NDEL1: variants seen among roughly 807,000 people sequenced by gnomAD.
NDEL1 encodes the protein nuclear distribution protein nudE-like 1.
In NDEL1, 9 loss-of-function variants were observed where a neutral mutation model predicts 45.7. That is an observed-to-expected ratio of 0.20 (90% CI 0.12 to 0.34). NDEL1 has a LOEUF of 0.34. Ranked by LOEUF, NDEL1 falls within the 10% of genes least tolerant of loss-of-function variation. The pLI, the probability that NDEL1 is intolerant of heterozygous loss-of-function variation, is 1.00. For synonymous variants in NDEL1, 133 were observed against 158.6 expected (o/e 0.84, Z 1.21); for missense variants, 306 against 406.2 (o/e 0.75, Z 2.12).
chr17:8,447,038 G>GTT, intron 4 of NDEL1, 136 bp downstream of exon 4: 1 of 1,085,422 alleles, frequency 9.2e-7, no homozygotes, highest in Non-Finnish European at 1.3e-6. Context: ...TAACTCATCG[G>GTT]ACGGAAGGGA....
rs557453829 is a variant in NDEL1 at position 8,473,873 on chromosome 17, C to G, written c.417+13713C>G. On this transcript the variant is annotated intron_variant, in intron 3 of 3. Coordinates refer to the NDEL1 transcript ENST00000581679. The stretch of plus-strand genomic sequence containing the variant: ...AATGCGTGTCTGCCTGAAAATGCAG[C>G]CTGAAATGTCCTGGACCCCTGAAAA... Among the ~76,000 whole-genome samples the G allele has an allele frequency of 3.3e-5, 5 of 152,334 alleles. No homozygotes were observed. In the East Asian group the frequency reaches 9.6e-4, roughly 29 times the overall value.
chr17:8,444,149 C>T, intron 1 of NDEL1, 111 bp from the exon 2 acceptor site: 1 of 669,150 alleles, frequency 1.5e-6, no homozygotes. Flanking sequence ...TGGAATCTCT[C>T]ATGTTTTATT....
chr17:8,450,698 T>A, intron 5 of NDEL1, 82 bp from the exon 6 acceptor site: 1 of 1,200,662 alleles, frequency 8.3e-7, no homozygotes. Flanking sequence ...AGAAGACCTT[T>A]ATGACATTTT....
intron 8 of NDEL1, among the ~76,000 whole-genome samples, chr17:8,460,404 G>C (rs1911123869): frequency 6.6e-6 from 1 of 152,146 alleles, no homozygotes; most frequent in Admixed American, 6.5e-5. Context: ...AGGCAGCAGT[G>C]TGAGGCTCTG....
At chr17:8,430,666 T>C (rs1200294521) in intron 1 of NDEL1, among the ~76,000 whole-genome samples, 1 of 152,200 alleles carries the variant, frequency 6.6e-6, no homozygotes, top group African/African-American at 2.4e-5. Flanking sequence ...AAAGACCTTG[T>C]ACTGGGACCC....
At chr17:8,426,459 G>T (rs1908834769) in intron 1 of NDEL1, among the ~76,000 whole-genome samples, 1 of 152,154 alleles carries the variant, frequency 6.6e-6, no homozygotes, top group South Asian at 2.1e-4. Context: ...TTTTCCCAGG[G>T]ACAGTCACAC....
chr17:8,443,571 G>C (rs1035791357), intron 1 of NDEL1, among the ~76,000 whole-genome samples: 8 of 152,070 alleles, frequency 5.3e-5, no homozygotes, highest in African/African-American at 1.9e-4. Context: ...TGGGCCTGAC[G>C]ATCAGTTGGG....
At chr17:8,470,691 A>G (rs1398516965), downstream of NDEL1, among the ~76,000 whole-genome samples, 1 of 152,204 alleles carries the variant, frequency 6.6e-6, no homozygotes, top group Non-Finnish European at 1.5e-5. The surrounding 1 kb of genome is among the most constrained non-coding windows in gnomAD (Gnocchi z 4.2). Context: ...GCACGAGCCC[A>G]GTCTTTTTCT....
chr17:8,445,660 A>T (rs1910034632), intron 2 of NDEL1, 51 bp from the exon 3 acceptor site: 1 of 1,563,214 alleles, frequency 6.4e-7, no homozygotes, highest in African/African-American at 1.4e-5. Context: ...CTCCAAGACA[A>T]TCCTTGTGGT....
At chr17:8,421,998 CA>C (rs1908717921) in intron 1 of NDEL1, among the ~76,000 whole-genome samples, 1 of 152,162 alleles carries the variant, frequency 6.6e-6, no homozygotes, top group African/African-American at 2.4e-5. Context: ...GAAGGGAAGT[CA>C]CTTTAACAAA....
intron 1 of NDEL1, among the ~76,000 whole-genome samples, chr17:8,439,093 C>G (rs978649095): frequency 1.2e-4 from 18 of 151,866 alleles, no homozygotes; most frequent in Non-Finnish European, 4.4e-5. Flanking sequence ...AGGTGCCCAC[C>G]ACCACGCCCA....
chr17:8,445,741 A>G lies in NDEL1; in HGVS notation c.117A>G (p.Glu39=). The change falls in exon 3 of 9, where the codon GAA becomes GAG. Residue 39 remains glutamate (E), a synonymous_variant. Transcript: ENST00000334527. ...AGGAAGCTCGGGATGAGCTAGTTGA[A>G]TTCCAGGAAGGAAGCAGAGAATTAG... ...SFQEARDELV[E]FQEGSRELEA... is the part of the protein sequence containing the mutation. 1.9e-6 allele frequency: 3 copies of G among 1,597,398 alleles called. No homozygotes were observed. Among genetic ancestry groups the G allele is most frequent in the Middle Eastern group, 1.7e-4 (1 of 6,030 alleles).
chr17:8,461,808 A>G (rs1911225701), intron 8 of NDEL1, among the ~76,000 whole-genome samples: 1 of 152,122 alleles, frequency 6.6e-6, no homozygotes, highest in Admixed American at 6.5e-5. Context: ...CTACTAGAGT[A>G]GTTATTAGTT....
chr17:8,442,237 G>C (rs146165805), intron 1 of NDEL1, among the ~76,000 whole-genome samples: 250 of 152,212 alleles, frequency 1.6e-3, no homozygotes, highest in African/African-American at 5.5e-3. Flanking sequence ...TTGTCTAACT[G>C]ATAATGATAG....
chr17:8,416,731 A>G (rs978858610), intron 1 of NDEL1, among the ~76,000 whole-genome samples: 1 of 152,136 alleles, frequency 6.6e-6, no homozygotes, highest in African/African-American at 2.4e-5. Context: ...TTGAATTATT[A>G]TCTTAAAATA....
intron 1 of NDEL1, among the ~76,000 whole-genome samples, chr17:8,413,716 T>C (rs1413238464): frequency 6.6e-6 from 1 of 152,240 alleles, no homozygotes; most frequent in African/African-American, 2.4e-5. Flanking sequence ...TCACTGCTCA[T>C]GGGCCATTTG....
chr17:8,433,865 C>CATATTATTCATA (rs546280602), upstream of NDEL1, among the ~76,000 whole-genome samples: 1 of 152,058 alleles, frequency 6.6e-6, no homozygotes, highest in Non-Finnish European at 1.5e-5. Flanking sequence ...TCATAATATG[C>CATATTATTCATA]ATATTATTCA....
At position 8,440,649 on chromosome 17, in the gene NDEL1, T is replaced by C. The variant is rs949667568; in HGVS notation, c.-12-3611T>C. Among the ~76,000 whole-genome samples the C allele has an allele frequency of 1.6e-4, 25 of 152,216 alleles. 1 individual carries two copies. Among genetic ancestry groups the C allele is most frequent in the Non-Finnish European group, 4.4e-5 (3 of 68,032 alleles). ...TCTCAAAAAGTTTCATGCAAAAGGC[T>C]ATTTAAAAACCTGAGTTATCAGGGG... On this transcript the variant is annotated intron_variant, in intron 1 of 8. Transcript: ENST00000334527.
At chr17:8,448,527 T>C (rs370971913) in intron 4 of NDEL1, 23 bp from the exon 5 acceptor site, 4 of 1,605,730 alleles carry the variant, frequency 2.5e-6, no homozygotes, top group Admixed American at 1.7e-5. Context: ...ATTTAATTCA[T>C]GTACTCTAAT....
Sources: gnomAD v4.1 joint callset for allele counts (sites outside exome capture counted in the v4.1 genomes callset) on GRCh38, gnomAD v4.1.1 for gene constraint, Gnocchi (gnomAD v3.1) non-coding constraint, MANE v1.5 for transcripts, NCBI Gene and HGNC (gene_info 2026-07-23, HGNC 2026-07-21) for gene names.